The following RPS6KC1 variants were observed in gnomAD, a reference collection of about 807,000 sequenced individuals.
The protein encoded by RPS6KC1 is ribosomal protein S6 kinase C1, also known as inactive ribosomal protein S6 kinase delta-1.
Under a neutral mutation model 103.8 loss-of-function variants are expected in RPS6KC1, and 54 were observed. That is an observed-to-expected ratio of 0.52 (90% confidence interval 0.42 to 0.65). The LOEUF (loss-of-function observed/expected upper bound fraction) is 0.65, where lower values mean the gene tolerates loss of function less well. Among genes scored for constraint, RPS6KC1 ranks in the 30% least tolerant of loss-of-function variants. The pLI, the probability that RPS6KC1 is intolerant of heterozygous loss-of-function variation, is 0.00. For missense variants in RPS6KC1, 1,151 were observed against 1,253.8 expected, an observed-to-expected ratio of 0.92 and a Z score of 1.24; for synonymous variants, 439 against 438.7, an observed-to-expected ratio of 1.00 and a Z score of -0.01.
chr1:213,746,312 G>A, the RPS6KC1 span, among the ~76,000 whole-genome samples: 1 of 152,156 alleles, frequency 6.6e-6, no homozygotes, highest in African/African-American at 2.4e-5. Context: ...GGGAGGTGAG[G>A]GACTCAGCTG....
At chr1:213,430,930 T>C in the RPS6KC1 span, among the ~76,000 whole-genome samples, 1 of 152,220 alleles carries the variant, frequency 6.6e-6, no homozygotes, top group African/African-American at 2.4e-5. Flanking sequence ...TACAAGTATC[T>C]GTTTTATAAT....
At chr1:213,287,250 G>A in the RPS6KC1 span, among the ~76,000 whole-genome samples, 1 of 150,686 alleles carries the variant, frequency 6.6e-6, no homozygotes, top group South Asian at 2.1e-4. Context: ...GTGTGTGTGT[G>A]TGTGTGTGTG....
At chr1:213,363,629 T>TTGCTTGCTTG in the RPS6KC1 span, among the ~76,000 whole-genome samples, 2 of 36,464 alleles carry the variant, frequency 5.5e-5, no homozygotes, top group Non-Finnish European at 5.5e-5. Context: ...TTGCTTGCTT[T>TTGCTTGCTTG]CTTTCTTTCT....
At chr1:213,629,169 T>G in the RPS6KC1 span, among the ~76,000 whole-genome samples, 2 of 152,178 alleles carry the variant, frequency 1.3e-5, no homozygotes, top group Non-Finnish European at 2.9e-5. Flanking sequence ...ATCTGTCTAA[T>G]GTTGACAGTG....
At chr1:213,374,688 C>T in the RPS6KC1 span, among the ~76,000 whole-genome samples, 4 of 152,180 alleles carry the variant, frequency 2.6e-5, no homozygotes, top group Non-Finnish European at 5.9e-5. Flanking sequence ...TAGAAGTTTT[C>T]CTGCCCTTTC....
At chr1:213,195,094 GTTT>G (rs1204823762) in intron 8 of RPS6KC1, among the ~76,000 whole-genome samples, 1 of 152,134 alleles carries the variant, frequency 6.6e-6, no homozygotes, top group Non-Finnish European at 1.5e-5. Flanking sequence ...CAACACTTTT[GTTT>G]TTTAATTTTC....
At chr1:213,199,456 G>A (rs1476690039) in intron 8 of RPS6KC1, among the ~76,000 whole-genome samples, 1 of 152,098 alleles carries the variant, frequency 6.6e-6, no homozygotes, top group East Asian at 1.9e-4. Context: ...ATTTCCTCAG[G>A]CTAAAAACTC....
the RPS6KC1 span, among the ~76,000 whole-genome samples, chr1:213,475,131 CT>C: frequency 6.6e-6 from 1 of 152,204 alleles, no homozygotes; most frequent in African/African-American, 2.4e-5. Flanking sequence ...TGGACATGTA[CT>C]TTGGGGAAGC....
intron 8 of RPS6KC1, among the ~76,000 whole-genome samples, chr1:213,216,364 C>G (rs1558557302): frequency 6.6e-6 from 1 of 152,148 alleles, no homozygotes; most frequent in Non-Finnish European, 1.5e-5. Flanking sequence ...CACCCAGATT[C>G]ATAAAGCAAG....
chr1:213,801,057 T>C, the RPS6KC1 span, among the ~76,000 whole-genome samples: 1 of 152,210 alleles, frequency 6.6e-6, no homozygotes, highest in Non-Finnish European at 1.5e-5. Context: ...TCCCTTGTCC[T>C]GAGGAGCTAA....
At chr1:213,302,383 C>T in the RPS6KC1 span, among the ~76,000 whole-genome samples, 6 of 152,064 alleles carry the variant, frequency 3.9e-5, no homozygotes, top group African/African-American at 1.2e-4. Context: ...TAGTCTAGAC[C>T]AGGTGTGGTG....
intron 12 of RPS6KC1, among the ~76,000 whole-genome samples, chr1:213,244,834 A>G (rs996756831): frequency 6.6e-6 from 1 of 152,170 alleles, no homozygotes; most frequent in Non-Finnish European, 1.5e-5. Flanking sequence ...CTTCACTAGC[A>G]TTTGAAAAAA....
intron 8 of RPS6KC1, among the ~76,000 whole-genome samples, chr1:213,187,568 T>C (rs2092585245): frequency 6.6e-6 from 1 of 151,984 alleles, no homozygotes; most frequent in Non-Finnish European, 1.5e-5. Flanking sequence ...TAAAATTTCT[T>C]TGATAAATTT....
chr1:213,646,882 C>CATAT, the RPS6KC1 span, among the ~76,000 whole-genome samples: 2,400 of 147,046 alleles, frequency 0.016, 54 homozygotes, highest in African/African-American at 0.056. Flanking sequence ...TGTGTGTATG[C>CATAT]ATATATATAT....
chr1:213,261,644 A>T lies in RPS6KC1; in HGVS notation c.2994+4A>T. On this transcript the variant is annotated splice_donor_region_variant and intron_variant, in intron 13 of 14. Coordinates refer to ENST00000366960, the MANE Select transcript of RPS6KC1 (RefSeq NM_012424.6). ...CTTTGAACTTCTCACTGGCAAGGTA[A>T]GCAGTGGCCTGGACGTTTAATAAAT... is the stretch of plus-strand genomic sequence containing the variant. The T allele has an allele frequency of 6.2e-7, 1 of 1,611,842 alleles. No individual in the cohort carries two copies. The highest frequency in any genetic ancestry group is 2.2e-5 in the East Asian group (1 of 44,856).
At chr1:213,064,455 C>T (rs1207646190) in intron 1 of RPS6KC1, among the ~76,000 whole-genome samples, 3 of 151,714 alleles carry the variant, frequency 2.0e-5, no homozygotes, top group Admixed American at 6.6e-5. Flanking sequence ...GTAACCTCCA[C>T]CTCCCGGGTT....
the RPS6KC1 span, among the ~76,000 whole-genome samples, chr1:213,684,954 G>A: frequency 6.6e-6 from 1 of 152,320 alleles, no homozygotes; most frequent in Non-Finnish European, 1.5e-5. Context: ...GCCAGTTTGA[G>A]CCAGTTCCCG....
chr1:213,175,207 CA>C (rs2091787334), intron 7 of RPS6KC1, among the ~76,000 whole-genome samples: 1 of 152,110 alleles, frequency 6.6e-6, no homozygotes, highest in African/African-American at 2.4e-5. Flanking sequence ...TCACATTTTC[CA>C]ACTAACTAAA....
chr1:213,185,903 C>T (rs1435944167), intron 8 of RPS6KC1, among the ~76,000 whole-genome samples: 1 of 150,042 alleles, frequency 6.7e-6, no homozygotes, highest in Non-Finnish European at 1.5e-5. Context: ...TGCCAGTTAC[C>T]ATGAGGCTTA....
Sources: allele counts gnomAD v4.1 joint callset (sites outside exome capture counted in the v4.1 genomes callset), GRCh38; gene constraint gnomAD v4.1.1; transcripts MANE v1.5; gene names NCBI Gene and HGNC (gene_info 2026-07-23, HGNC 2026-07-21).